SYNJ2: variants seen among roughly 807,000 people sequenced by gnomAD.
SYNJ2 encodes the protein synaptojanin 2.
Under a neutral mutation model 141.3 loss-of-function variants are expected in SYNJ2, and 116 were observed. The ratio of observed to expected loss-of-function variants is 0.82; its 90% CI spans 0.71 to 0.96. The LOEUF is 0.96. Among genes scored for constraint, SYNJ2 ranks in the 40% least tolerant of loss-of-function variants. The pLI is 0.00. For synonymous variants in SYNJ2, 745 were observed against 777.7 expected (o/e 0.96, Z 0.70); for missense variants, 1,873 against 1,934.8 (o/e 0.97, Z 0.60).
At position 158,063,860 on chromosome 6, in the gene SYNJ2, C is replaced by T. The variant is rs759571198; in HGVS notation, c.1197C>T (p.Phe399=). ...CLDRTNTVQS[F]IALEVLHLQL... ...ACCGAACCAACACTGTGCAGAGCTT[C>T]ATCGCGCTCGAGGTGCGTCCCTGCC... The change falls in exon 9 of 27, where the codon TTC becomes TTT. Residue 399 remains phenylalanine (F), a synonymous_variant. Transcript: ENST00000355585. 14 of 1,613,426 alleles carry T rather than the reference C, an allele frequency of 8.7e-6. No individual in the cohort carries two copies. The South Asian group carries it at 9.9e-5, about 11-fold the overall frequency.
At chr6:158,025,987 A>G (rs1057386716) in intron 2 of SYNJ2, among the ~76,000 whole-genome samples, 3 of 130,032 alleles carry the variant, frequency 2.3e-5, no homozygotes, top group African/African-American at 8.7e-5. Context: ...ATGCATACAT[A>G]CATACATACG....
Position 157,982,667 on chromosome 6 carries a change from C to T in SYNJ2, c.127+579C>T, listed in dbSNP as rs1562303448. Among the ~76,000 whole-genome samples the T allele has an allele frequency of 6.6e-6, 1 of 152,208 alleles. No homozygotes were observed. Among genetic ancestry groups the T allele is most frequent in the Non-Finnish European group, 1.5e-5 (1 of 68,040 alleles). ...GCTGTCTTAGATCCTGCCAAGCCAG[C>T]GAATTTCACCTATGGACTTCAGAAG... On this transcript the variant is annotated intron_variant, in intron 1 of 26. Transcript: ENST00000355585. The surrounding 1 kb of genome is among the most constrained non-coding windows in gnomAD (Gnocchi z 4.0).
intron 2 of SYNJ2, among the ~76,000 whole-genome samples, chr6:158,018,818 G>A (rs1202321406): frequency 6.6e-6 from 1 of 152,242 alleles, no homozygotes; most frequent in Admixed American, 6.5e-5. Flanking sequence ...ACTTAGTTGG[G>A]GTTTGAAGCG....
chr6:158,017,297 A>G lies in SYNJ2; in HGVS notation c.214+7A>G. The G allele has an allele frequency of 1.9e-6, 3 of 1,609,922 alleles. No individual in the cohort carries two copies. The highest frequency in any genetic ancestry group is 2.5e-6 in the Non-Finnish European group (3 of 1,178,588). ...GAGCTGAGGCTGAAATCTGGTGAGTAGCCGCTCGCTGGAGGAGCAGGCGCC... is the reference window on the plus strand; with the variant it reads ...GAGCTGAGGCTGAAATCTGGTGAGTGGCCGCTCGCTGGAGGAGCAGGCGCC... On this transcript the variant is annotated splice_region_variant and intron_variant, in intron 2 of 26. Coordinates refer to ENST00000355585, the MANE Select transcript of SYNJ2 (RefSeq NM_003898.4).
chr6:158,059,239 A>C lies in SYNJ2; in HGVS notation c.858-18A>C, dbSNP rs1413179724. 3.7e-5 allele frequency: 57 copies of C among 1,541,060 alleles called. No homozygotes were observed. The highest frequency in any genetic ancestry group is 4.7e-5 in the Non-Finnish European group (54 of 1,143,420). On this transcript the variant is annotated intron_variant, in intron 6 of 26. Transcript: ENST00000355585. ...TGTGCCCGTGCCCAGCATCACGCCC[A>C]CCCCGCTGCCTTTGCAGGCACATGG...
Position 158,095,831 on chromosome 6 carries a change from C to T in SYNJ2, c.3958C>T (p.Pro1320Ser). 1 of 1,614,102 alleles carries T rather than the reference C, an allele frequency of 6.2e-7. No individual in the cohort carries two copies. Among genetic ancestry groups the T allele is most frequent in the African/African-American group, 1.3e-5 (1 of 75,052 alleles). The change falls in exon 27 of 27, where the codon CCA becomes TCA. Residue 1320 changes from proline (P) to serine (S), a missense_variant. Physicochemically the swap from Pro to Ser is moderately conservative, Grantham distance 74. Transcript: ENST00000355585. ...EAPPGAGASVPPPLEAPPLVP... is the reference protein window; with the variant it reads ...EAPPGAGASVSPPLEAPPLVP... The stretch of plus-strand genomic sequence containing the variant: ...CCCTCCTGGGGCAGGAGCCTCTGTG[C>T]CACCACCTCTGGAGGCGCCGCCTCT...
In SYNJ2 at chr6:158,083,605, A is replaced by G. The variant is rs942260126; in HGVS notation, c.3034+8A>G. 4 of 1,613,614 alleles carry G rather than the reference A, an allele frequency of 2.5e-6. No individual in the cohort carries two copies. Among genetic ancestry groups the G allele is most frequent in the Non-Finnish European group, 3.4e-6 (4 of 1,179,970 alleles). ...TGGACTATGAGTCAGAAGGTTAGTG[A>G]CCCTGCAGGGAGGGACAGGCAAGCC... On this transcript the variant is annotated splice_region_variant and intron_variant, in intron 21 of 26. Transcript: ENST00000355585.
intron 20 of SYNJ2, among the ~76,000 whole-genome samples, chr6:158,082,179 T>C (rs1782733663): frequency 6.6e-6 from 1 of 152,130 alleles, no homozygotes; most frequent in African/African-American, 2.4e-5. Context: ...AAATCCTGTC[T>C]CTAGTAAAAA....
At chr6:158,056,806 G>C (rs528854304) in intron 6 of SYNJ2, among the ~76,000 whole-genome samples, 59 of 152,350 alleles carry the variant, frequency 3.9e-4, no homozygotes, top group Middle Eastern at 3.4e-3. Flanking sequence ...CACACAGATA[G>C]TTTTTCTTCC....
intron 5 of SYNJ2, among the ~76,000 whole-genome samples, chr6:158,050,461 A>AGGTAGAAAGGTTTGTTGG (rs1318360738): frequency 1.3e-5 from 2 of 152,206 alleles, no homozygotes; most frequent in Non-Finnish European, 2.9e-5. Context: ...TAGTTCTCTG[A>AGGTAGAAAGGTTTGTTGG]GGTAGAAAGG....
intron 1 of SYNJ2, among the ~76,000 whole-genome samples, chr6:158,005,053 T>C (rs1778006799): frequency 6.7e-6 from 1 of 150,136 alleles, no homozygotes; most frequent in Non-Finnish European, 1.5e-5. Context: ...TTGTCACTCA[T>C]CCTGCAATTC....
intron 1 of SYNJ2, among the ~76,000 whole-genome samples, chr6:157,985,269 T>C (rs749957304): frequency 6.6e-6 from 1 of 152,108 alleles, no homozygotes; most frequent in Non-Finnish European, 1.5e-5. Context: ...CCTGTCCTGC[T>C]CTAAAGTGAA....
intron 1 of SYNJ2, among the ~76,000 whole-genome samples, chr6:157,989,053 G>A (rs1477436051): frequency 2.6e-5 from 4 of 152,114 alleles, no homozygotes; most frequent in Non-Finnish European, 4.4e-5. Flanking sequence ...AATGAAAACC[G>A]GAGTGCTTAA....
At chr6:158,088,155 G>C (rs1327691393) in intron 23 of SYNJ2, among the ~76,000 whole-genome samples, 1 of 138,112 alleles carries the variant, frequency 7.2e-6, no homozygotes, top group East Asian at 2.2e-4. Flanking sequence ...TGACCTCCCC[G>C]GCTCAAGCAA....
At chr6:158,021,621 A>G (rs910110312) in intron 2 of SYNJ2, among the ~76,000 whole-genome samples, 4 of 152,086 alleles carry the variant, frequency 2.6e-5, no homozygotes, top group Non-Finnish European at 5.9e-5. Context: ...CTGGAAGGCC[A>G]GGCTGTGTGG....
At chr6:158,034,434 G>A (rs1012929467) in intron 4 of SYNJ2, among the ~76,000 whole-genome samples, 3 of 152,176 alleles carry the variant, frequency 2.0e-5, no homozygotes, top group Non-Finnish European at 2.9e-5. Flanking sequence ...GTCCCCCCTC[G>A]CTGCCGCTGC....
chr6:158,026,001 A>G (rs1461205323), intron 2 of SYNJ2, among the ~76,000 whole-genome samples: 1 of 151,242 alleles, frequency 6.6e-6, no homozygotes, highest in South Asian at 2.1e-4. Context: ...ACATACGTAC[A>G]TACATACATA....
chr6:158,035,869 AACAG>A (rs1049379772), intron 4 of SYNJ2, among the ~76,000 whole-genome samples: 1 of 152,196 alleles, frequency 6.6e-6, no homozygotes, highest in African/African-American at 2.4e-5. Context: ...CAACAGAGTG[AACAG>A]ACAACCTACA....
chr6:158,001,073 C>T lies in SYNJ2; in HGVS notation c.128-16131C>T, dbSNP rs143308023. On this transcript the variant is annotated intron_variant, in intron 1 of 26. Coordinates refer to ENST00000355585, the MANE Select transcript of SYNJ2 (RefSeq NM_003898.4). ...CTCTCACTTGCCGTCCTCTCTGCCC[C>T]GTTCCCTCTCCTGCACACCTGTCCG... 616 of 152,674 alleles carry T rather than the reference C, an allele frequency of 4.0e-3. 5 individuals carry two copies. Among genetic ancestry groups the T allele is most frequent in the Admixed American group, 8.1e-3 (123 of 15,264 alleles). 9.5% of individuals were successfully genotyped at this position (152,674 alleles called of 1,614,324 possible). A position where few individuals can be genotyped will look rare whatever the true frequency, so the allele number is the denominator to read the frequency against.
Sources: allele counts gnomAD v4.1 joint callset (sites outside exome capture counted in the v4.1 genomes callset), GRCh38; gene constraint gnomAD v4.1.1; non-coding constraint Gnocchi (gnomAD v3.1); transcripts MANE v1.5; gene names NCBI Gene and HGNC (gene_info 2026-07-23, HGNC 2026-07-21).